The following PAPPA2 variants were observed in gnomAD, a reference collection of about 807,000 sequenced individuals.
The protein encoded by PAPPA2 is pappalysin 2.
In PAPPA2, 86 loss-of-function variants were observed where a neutral mutation model predicts 176.4. The ratio of observed to expected loss-of-function variants is 0.49; its 90% CI spans 0.41 to 0.58. PAPPA2 has a LOEUF of 0.58. PAPPA2 is among the 20% of genes least tolerant of loss of function. The pLI, the probability that PAPPA2 is intolerant of heterozygous loss-of-function variation, is 0.00. For synonymous variants in PAPPA2, 809 were observed against 852.2 expected (o/e 0.95, Z 0.88); for missense variants, 2,073 against 2,256.9 (o/e 0.92, Z 1.65).
At chr1:176,811,960 C>G (rs1198456663) in intron 21 of PAPPA2, among the ~76,000 whole-genome samples, 1 of 152,092 alleles carries the variant, frequency 6.6e-6, no homozygotes, top group Non-Finnish European at 1.5e-5. Context: ...AAAAGCACAA[C>G]CAACCGTCCA....
chr1:176,624,983 C>T (rs1007680241), intron 3 of PAPPA2, among the ~76,000 whole-genome samples: 4 of 152,216 alleles, frequency 2.6e-5, no homozygotes, highest in East Asian at 1.9e-4. Context: ...CTGAGCCTTC[C>T]GGAGATCCTC....
intron 21 of PAPPA2, among the ~76,000 whole-genome samples, chr1:176,810,049 A>C (rs569095264): frequency 9.9e-5 from 15 of 151,158 alleles, no homozygotes; most frequent in African/African-American, 3.6e-4. Flanking sequence ...TAGTGTGGTA[A>C]AATCTGTCAG....
chr1:176,500,249 C>A (rs1167985247), intron 1 of PAPPA2, among the ~76,000 whole-genome samples: 1 of 151,800 alleles, frequency 6.6e-6, no homozygotes, highest in African/African-American at 2.4e-5. Flanking sequence ...TTTTACAGTT[C>A]CATGTATTTT....
intron 1 of PAPPA2, among the ~76,000 whole-genome samples, chr1:176,518,309 A>C (rs1649026718): frequency 6.6e-6 from 1 of 152,076 alleles, no homozygotes; most frequent in Non-Finnish European, 1.5e-5. Flanking sequence ...ACCTTATGTA[A>C]TCATGAAAGC....
intron 1 of PAPPA2, among the ~76,000 whole-genome samples, chr1:176,509,850 A>G (rs1648480800): frequency 6.9e-6 from 1 of 144,366 alleles, no homozygotes; most frequent in Admixed American, 6.9e-5. Flanking sequence ...AAAAAACAAA[A>G]CAAACAAACA....
At chr1:176,634,684 T>G (rs1264159574) in intron 3 of PAPPA2, among the ~76,000 whole-genome samples, 1 of 151,818 alleles carries the variant, frequency 6.6e-6, no homozygotes, top group Non-Finnish European at 1.5e-5. Context: ...AAGGCGCTAT[T>G]GAGTACATAG....
At chr1:176,524,381 A>G (rs2102542438) in intron 1 of PAPPA2, among the ~76,000 whole-genome samples, 1 of 152,326 alleles carries the variant, frequency 6.6e-6, no homozygotes, top group East Asian at 1.9e-4. Context: ...GGTCATGGGA[A>G]AGAGAGCTAT....
intron 1 of PAPPA2, among the ~76,000 whole-genome samples, chr1:176,541,671 C>A (rs950561492): frequency 2.0e-5 from 3 of 152,198 alleles, no homozygotes; most frequent in Non-Finnish European, 2.9e-5. Context: ...AAGCTCATTC[C>A]ATTTTTGATA....
Position 176,731,901 on chromosome 1 carries a change from A to G in PAPPA2, c.3799-7725A>G, listed in dbSNP as rs555061990. Among the ~76,000 whole-genome samples, 7 of 152,286 alleles carry G rather than the reference A, an allele frequency of 4.6e-5. No individual in the cohort carries two copies. The South Asian group carries it at 1.4e-3, about 32-fold the overall frequency. ...TGAATTTTTTTTCTTTAGTATGGGT[A>G]TCTCCATGCAATATTTGGGCATATT... On this transcript the variant is annotated intron_variant, in intron 12 of 22. Transcript: ENST00000367662.
At chr1:176,561,788 G>C (rs1209755072) in intron 2 of PAPPA2, among the ~76,000 whole-genome samples, 1 of 152,104 alleles carries the variant, frequency 6.6e-6, no homozygotes, top group Non-Finnish European at 1.5e-5. Flanking sequence ...TTCTCAAGCT[G>C]CTGATAAAGA....
At chr1:176,606,950 C>A (rs1361584807) in intron 3 of PAPPA2, among the ~76,000 whole-genome samples, 1 of 152,036 alleles carries the variant, frequency 6.6e-6, no homozygotes, top group Non-Finnish European at 1.5e-5. Flanking sequence ...GGACAATAGT[C>A]TTAGATGTTG....
intron 2 of PAPPA2, among the ~76,000 whole-genome samples, chr1:176,588,770 A>G (rs946578597): frequency 6.6e-6 from 1 of 152,140 alleles, no homozygotes; most frequent in African/African-American, 2.4e-5. Context: ...GGTTGGGGCT[A>G]TGAGCCTGTT....
At chr1:176,706,952 T>C (rs1216222614) in intron 10 of PAPPA2, among the ~76,000 whole-genome samples, 1 of 152,180 alleles carries the variant, frequency 6.6e-6, no homozygotes, top group Admixed American at 6.5e-5. Flanking sequence ...TAAAAGAGGA[T>C]CCTAACATAT....
At chr1:176,715,892 A>G (rs1266056364) in intron 12 of PAPPA2, among the ~76,000 whole-genome samples, 3 of 152,240 alleles carry the variant, frequency 2.0e-5, no homozygotes, top group East Asian at 3.9e-4. Context: ...CAAATATAAT[A>G]CTTGATAACA....
At chr1:176,604,003 C>G (rs1654474852) in intron 3 of PAPPA2, among the ~76,000 whole-genome samples, 1 of 152,190 alleles carries the variant, frequency 6.6e-6, no homozygotes, top group Admixed American at 6.5e-5. Flanking sequence ...TCACCTCTTA[C>G]CATGCTCCTT....
intron 1 of PAPPA2, among the ~76,000 whole-genome samples, chr1:176,489,370 G>T (rs931896637): frequency 6.6e-6 from 1 of 152,126 alleles, no homozygotes; most frequent in Admixed American, 6.5e-5. Flanking sequence ...CTTCCCAAGG[G>T]CTGCAGTCTC....
At chr1:176,796,710 TTTTC>T (rs940930492) in intron 20 of PAPPA2, among the ~76,000 whole-genome samples, 35 of 151,470 alleles carry the variant, frequency 2.3e-4, no homozygotes, top group Non-Finnish European at 4.3e-4. Context: ...CTTTCTTTCT[TTTTC>T]TTTCTTTCTT....
intron 1 of PAPPA2, among the ~76,000 whole-genome samples, chr1:176,494,252 A>C (rs796749583): frequency 5.9e-5 from 9 of 152,294 alleles, no homozygotes; most frequent in African/African-American, 2.2e-4. Flanking sequence ...TCAAATCTAC[A>C]GCAGACAATG....
intron 2 of PAPPA2, among the ~76,000 whole-genome samples, chr1:176,561,051 G>A (rs1651639995): frequency 6.6e-6 from 1 of 152,224 alleles, no homozygotes; most frequent in Non-Finnish European, 1.5e-5. Context: ...CTGAGGATCC[G>A]AGCATTAGAG....
Sources: gnomAD v4.1 joint callset for allele counts (sites outside exome capture counted in the v4.1 genomes callset) on GRCh38, gnomAD v4.1.1 for gene constraint, MANE v1.5 for transcripts, NCBI Gene and HGNC (gene_info 2026-07-23, HGNC 2026-07-21) for gene names.